ATP1B3: variants seen among roughly 807,000 people sequenced by gnomAD.
ATP1B3 encodes the protein sodium/potassium-transporting ATPase subunit beta-3.
ATP1B3 carries 10 observed loss-of-function variants against 30.2 expected under a neutral mutation model. That is an observed-to-expected ratio of 0.33 (90% CI 0.20 to 0.56). The LOEUF (loss-of-function observed/expected upper bound fraction) is 0.56, where lower values mean the gene tolerates loss of function less well. Among genes scored for constraint, ATP1B3 ranks in the 20% least tolerant of loss-of-function variants. The probability of loss-of-function intolerance (pLI) is 0.90; values close to 1 mark genes in which losing one functional copy is unlikely to be tolerated. For missense variants in ATP1B3, 238 were observed against 336.7 expected, an observed-to-expected ratio of 0.71 and a Z score of 2.29; for synonymous variants, 113 against 117.0, an observed-to-expected ratio of 0.97 and a Z score of 0.22.
intron 1 of ATP1B3, among the ~76,000 whole-genome samples, chr3:141,881,716 T>C (rs1933729919): frequency 6.6e-6 from 1 of 152,224 alleles, no homozygotes; most frequent in Admixed American, 6.5e-5. Context: ...TCCCACATGC[T>C]TAGCGTTCCA....
chr3:141,892,191 A>G (rs1933966510), intron 1 of ATP1B3, among the ~76,000 whole-genome samples: 1 of 152,158 alleles, frequency 6.6e-6, no homozygotes, highest in South Asian at 2.1e-4. Context: ...ACAGAGGTTC[A>G]TGGCTATTAT....
At chr3:141,885,923 A>ACC (rs1491135453) in intron 1 of ATP1B3, among the ~76,000 whole-genome samples, 15 of 141,090 alleles carry the variant, frequency 1.1e-4, no homozygotes, top group East Asian at 6.3e-4. Context: ...ACACACACAC[A>ACC]CCCCTGTAGT....
chr3:141,915,555 C>CA (rs1403940638), intron 4 of ATP1B3, among the ~76,000 whole-genome samples: 1 of 152,126 alleles, frequency 6.6e-6, no homozygotes, highest in Non-Finnish European at 1.5e-5. Context: ...CTCATGGAAA[C>CA]ACGGAGAGTG....
intron 1 of ATP1B3, among the ~76,000 whole-genome samples, chr3:141,903,282 CT>C (rs1258788860): frequency 3.9e-5 from 6 of 152,086 alleles, no homozygotes; most frequent in Admixed American, 2.6e-4. Context: ...CATCTTGTAT[CT>C]TTTTAGAGGG....
At chr3:141,913,985 T>G in intron 4 of ATP1B3, 149 bp downstream of exon 4, 1 of 705,190 alleles carries the variant, frequency 1.4e-6, no homozygotes, top group South Asian at 2.4e-5. Flanking sequence ...CTAGCAGTAA[T>G]GTTTATTGAT....
chr3:141,922,358 A>C (rs924431941), intron 6 of ATP1B3, among the ~76,000 whole-genome samples: 1 of 152,184 alleles, frequency 6.6e-6, no homozygotes, highest in African/African-American at 2.4e-5. Context: ...AAAGTACTTA[A>C]AAAGAAAATC....
chr3:141,903,763 G>T lies in ATP1B3; in HGVS notation c.238+15G>T. On this transcript the variant is annotated intron_variant, in intron 2 of 6. Transcript: ENST00000286371. The stretch of plus-strand genomic sequence containing the variant: ...TCCTAGCCCAGGTAATTATCTTGCA[G>T]TTATGACTTTGTTTTTTGTTTTTTG... 1 of 1,604,674 alleles carries T rather than the reference G, an allele frequency of 6.2e-7. No individual in the cohort carries two copies. Among genetic ancestry groups the T allele is most frequent in the Non-Finnish European group, 8.5e-7 (1 of 1,176,840 alleles).
At chr3:141,891,262 G>A (rs1370043489) in intron 1 of ATP1B3, among the ~76,000 whole-genome samples, 7 of 152,128 alleles carry the variant, frequency 4.6e-5, no homozygotes, top group Non-Finnish European at 8.8e-5. Flanking sequence ...TAAAATACAT[G>A]TGTAAATTTG....
chr3:141,915,968 A>G lies in ATP1B3; in HGVS notation c.532-2A>G, dbSNP rs1442951955. On this transcript the variant is annotated splice_acceptor_variant, in intron 4 of 6. Transcript: ENST00000286371. LOFTEE classifies it high-confidence loss of function. ...AAATTTATCACTATTTCTTAACCTT[A>G]GATAATTGGATTAAAGCCTGAAGGA... 6.2e-7 allele frequency: 1 copy of G among 1,602,396 alleles called. No homozygotes were observed. The highest frequency in any genetic ancestry group is 1.3e-5 in the African/African-American group (1 of 74,830).
Position 141,903,672 on chromosome 3 carries a change from C to G in ATP1B3, c.162C>G (p.Phe54Leu). 1 of 1,614,088 alleles carries G rather than the reference C, an allele frequency of 6.2e-7. No individual in the cohort carries two copies. Among genetic ancestry groups the G allele is most frequent in the Non-Finnish European group, 8.5e-7 (1 of 1,179,966 alleles). Residue 54 changes from phenylalanine to leucine, a missense_variant, in exon 2 of 7, where the codon TTC becomes TTG. Transcript: ENST00000286371. ...LVFYGFLAALFSFTMWVMLQT... is the reference protein window; with the variant it reads ...LVFYGFLAALLSFTMWVMLQT... ...TTTATGGGTTCCTGGCTGCACTCTT[C>G]TCATTCACGATGTGGGTTATGCTTC...
In ATP1B3 at chr3:141,895,188, CT is replaced by C. The variant is rs1176839559; in HGVS notation, c.110-8414del. 4.0e-3 allele frequency among the ~76,000 whole-genome samples: 491 copies of C among 121,404 alleles called. 2 individuals are homozygous for C. The highest frequency in any genetic ancestry group is 0.033 in the East Asian group (137 of 4,164). The allele number at this position is 121,404 out of a possible 152,430, so 79.6% of individuals were successfully genotyped here. A position where few individuals can be genotyped will look rare whatever the true frequency, so the allele number is the denominator to read the frequency against. ...TTATTGTCTCTTTTTTCTTTCTTTT[CT>C]TTTTTTTTTTTTTTTTTAAGATGGA... On this transcript the variant is annotated intron_variant, in intron 1 of 6. Transcript: ENST00000286371.
intron 3 of ATP1B3, among the ~76,000 whole-genome samples, chr3:141,911,837 T>C (rs1456146124): frequency 6.6e-6 from 1 of 152,162 alleles, no homozygotes; most frequent in Non-Finnish European, 1.5e-5. Flanking sequence ...TGCATAGGGC[T>C]CCTTGGTTAC....
At chr3:141,887,328 G>A (rs1245826039) in intron 1 of ATP1B3, among the ~76,000 whole-genome samples, 1 of 152,142 alleles carries the variant, frequency 6.6e-6, no homozygotes, top group African/African-American at 2.4e-5. Context: ...ATGGGATGTG[G>A]ACTCTTGGCT....
intron 5 of ATP1B3, among the ~76,000 whole-genome samples, chr3:141,916,962 G>A (rs540935635): frequency 2.0e-5 from 3 of 151,616 alleles, no homozygotes; most frequent in Admixed American, 6.6e-5. Flanking sequence ...CCGGGTTCAC[G>A]CGGTTCTCCT....
intron 1 of ATP1B3, among the ~76,000 whole-genome samples, chr3:141,880,505 A>G (rs1933701434): frequency 6.6e-6 from 1 of 152,176 alleles, no homozygotes; most frequent in South Asian, 2.1e-4. Flanking sequence ...ATATTAAATA[A>G]CTTAAGTTCA....
intron 1 of ATP1B3, among the ~76,000 whole-genome samples, chr3:141,886,577 T>C (rs146545658): frequency 5.3e-4 from 81 of 152,330 alleles, no homozygotes; most frequent in African/African-American, 1.8e-3. Flanking sequence ...TTTTACTTGA[T>C]GCATCTCAGA....
intron 1 of ATP1B3, among the ~76,000 whole-genome samples, chr3:141,889,600 T>G (rs1577958602): frequency 1.3e-5 from 2 of 151,392 alleles, no homozygotes; most frequent in African/African-American, 4.9e-5. Flanking sequence ...TGGTGGCAGG[T>G]GCCTGTAATC....
At chr3:141,885,574 G>A (rs1186092108) in intron 1 of ATP1B3, among the ~76,000 whole-genome samples, 2 of 151,956 alleles carry the variant, frequency 1.3e-5, no homozygotes, top group Admixed American at 6.6e-5. Context: ...TTAGCCTCCC[G>A]AGTAGCTGGA....
At chr3:141,900,609 G>A (rs1177233728) in intron 1 of ATP1B3, among the ~76,000 whole-genome samples, 1 of 152,106 alleles carries the variant, frequency 6.6e-6, no homozygotes, top group Non-Finnish European at 1.5e-5. Flanking sequence ...GAGGACCTCT[G>A]CAGCAGCATT....
Sources: allele counts gnomAD v4.1 joint callset (sites outside exome capture counted in the v4.1 genomes callset), GRCh38; gene constraint gnomAD v4.1.1; transcripts MANE v1.5; gene names NCBI Gene and HGNC (gene_info 2026-07-23, HGNC 2026-07-21).